The following AMPD1 variants were observed in gnomAD, a reference collection of about 807,000 sequenced individuals.
The protein encoded by AMPD1 is AMP deaminase 1.
AMPD1 carries 74 observed loss-of-function variants against 82.9 expected under a neutral mutation model. The observed-to-expected ratio is 0.89, with a 90% CI of 0.74 to 1.08. AMPD1 has a LOEUF of 1.08. Among genes scored for constraint, AMPD1 ranks in the 50% least tolerant of loss-of-function variants. The pLI, the probability that AMPD1 is intolerant of heterozygous loss-of-function variation, is 0.00. For synonymous variants in AMPD1, 333 were observed against 320.5 expected (o/e 1.04, Z -0.42); for missense variants, 881 against 924.5 (o/e 0.95, Z 0.61).
rs534556459 is a variant in AMPD1, at chr1:114,674,821, T to C, written c.1731A>G (p.Gly577=). 2 of 1,613,940 alleles carry C rather than the reference T, an allele frequency of 1.2e-6. No homozygotes were observed. The highest frequency in any genetic ancestry group is 1.3e-5 in the African/African-American group (1 of 75,032). ...FLFRPHCGEA[G]ALTHLMTAFM... ...ATGCTGTCATGAGATGGGTGAGGGC[T>C]CCAGCTTCTCCACAGTGAGGTCGGA... The change falls in exon 13 of 16, where the codon GGA becomes GGG. Residue 577 remains glycine, a synonymous_variant. Coordinates refer to ENST00000520113, the MANE Select transcript of AMPD1 (RefSeq NM_000036.3).
At chr1:114,679,769 A>C in intron 6 of AMPD1, 61 bp from the exon 7 acceptor site, 1 of 1,579,624 alleles carries the variant, frequency 6.3e-7, no homozygotes. Context: ...AAACAGTCAC[A>C]ATTTCAAAAC....
At chr1:114,675,764 A>G (rs1657963208) in intron 11 of AMPD1, 71 bp from the exon 12 acceptor site, 8 of 1,613,138 alleles carry the variant, frequency 5.0e-6, no homozygotes, top group Non-Finnish European at 6.8e-6. Flanking sequence ...ACAAACTTTC[A>G]GGTCCAAAGG....
chr1:114,681,676 C>T (rs1658162835), intron 5 of AMPD1, among the ~76,000 whole-genome samples: 1 of 151,900 alleles, frequency 6.6e-6, no homozygotes, highest in Non-Finnish European at 1.5e-5. Context: ...AGCCAGTCTC[C>T]ACTCTAGACA....
intron 2 of AMPD1, among the ~76,000 whole-genome samples, chr1:114,690,699 T>A (rs373375282): frequency 1.3e-5 from 2 of 152,146 alleles, no homozygotes; most frequent in South Asian, 2.1e-4. Context: ...GATGGCCTGA[T>A]AATGCCTCCA....
At chr1:114,683,538 C>T (rs904024266) in intron 5 of AMPD1, among the ~76,000 whole-genome samples, 1 of 152,164 alleles carries the variant, frequency 6.6e-6, no homozygotes, top group Admixed American at 6.5e-5. Flanking sequence ...GAGTTCAAGA[C>T]CAGCCTGGCC....
chr1:114,677,814 C>CTTCT (rs1239882791), intron 9 of AMPD1, 96 bp downstream of exon 9: 7 of 967,768 alleles, frequency 7.2e-6, no homozygotes, highest in African/African-American at 1.7e-5. Context: ...TCCTTCCTTC[C>CTTCT]TTCCTTCCTT....
intron 2 of AMPD1, among the ~76,000 whole-genome samples, chr1:114,690,277 G>C (rs1459982445): frequency 2.6e-5 from 4 of 152,186 alleles, no homozygotes; most frequent in African/African-American, 9.7e-5. Flanking sequence ...GTGACACTAA[G>C]TGAGATAATG....
chr1:114,690,775 T>C (rs995929316), intron 2 of AMPD1, among the ~76,000 whole-genome samples: 8 of 152,152 alleles, frequency 5.3e-5, no homozygotes, highest in African/African-American at 1.9e-4. Context: ...AGCAAGCACA[T>C]GCATCTCAAG....
chr1:114,682,646 T>C (rs926986497), intron 5 of AMPD1, among the ~76,000 whole-genome samples: 5 of 151,690 alleles, frequency 3.3e-5, no homozygotes, highest in Non-Finnish European at 5.9e-5. Flanking sequence ...TGGCGCGATC[T>C]CAGCTCACTG....
intron 1 of AMPD1, among the ~76,000 whole-genome samples, chr1:114,694,947 T>G (rs929693141): frequency 1.3e-5 from 2 of 152,268 alleles, no homozygotes; most frequent in African/African-American, 2.4e-5. Flanking sequence ...ACAATTTCTA[T>G]TTCACATGAA....
intron 5 of AMPD1, among the ~76,000 whole-genome samples, chr1:114,683,759 A>G (rs963797533): frequency 2.0e-5 from 3 of 152,138 alleles, no homozygotes; most frequent in Non-Finnish European, 4.4e-5. Flanking sequence ...AAATGTAGTT[A>G]GGGGGCCAGA....
At chr1:114,690,411 G>A (rs895617540) in intron 2 of AMPD1, among the ~76,000 whole-genome samples, 3 of 152,154 alleles carry the variant, frequency 2.0e-5, no homozygotes, top group Admixed American at 6.6e-5. Context: ...GATAATACAT[G>A]ATATGACTTA....
Position 114,679,599 on chromosome 1 carries a change from C to G in AMPD1, c.877G>C (p.Asp293His), listed in dbSNP as rs142477997. The change falls in exon 7 of 16, where the codon GAT becomes CAT. Residue 293 changes from aspartate to histidine, a missense_variant. Transcript: ENST00000520113. The stretch of plus-strand genomic sequence containing the variant: ...TTTACCTTCCTGCAGTTATAAAAAT[C>G]TCGGTGGGGGTTGTTTTTCAGCTCC... Reference protein sequence around the residue: ...LKELKNNPHRDFYNCRKVDTH... With the variant: ...LKELKNNPHRHFYNCRKVDTH... 3.1e-6 allele frequency: 5 copies of G among 1,613,958 alleles called. No homozygotes were observed. In the African/African-American group the frequency reaches 6.7e-5, roughly 22 times the overall value.
At chr1:114,694,112 G>A (rs1422145478) in intron 1 of AMPD1, among the ~76,000 whole-genome samples, 1 of 152,036 alleles carries the variant, frequency 6.6e-6, no homozygotes, top group Non-Finnish European at 1.5e-5. Flanking sequence ...CCAACTACTC[G>A]GGAGACTGAG....
At chr1:114,687,059 A>T in intron 3 of AMPD1, 149 bp from the exon 4 acceptor site, 1 of 809,596 alleles carries the variant, frequency 1.2e-6, no homozygotes, top group Non-Finnish European at 2.0e-6. Context: ...ATCCAAGCAT[A>T]GTGGGAGGAG....
At chr1:114,694,416 C>T (rs1035333967) in intron 1 of AMPD1, among the ~76,000 whole-genome samples, 11 of 151,734 alleles carry the variant, frequency 7.2e-5, no homozygotes, top group Non-Finnish European at 1.5e-4. Flanking sequence ...TATAAAATTA[C>T]ATGTGCAATA....
At chr1:114,681,824 C>G (rs1386193983) in intron 5 of AMPD1, among the ~76,000 whole-genome samples, 1 of 152,088 alleles carries the variant, frequency 6.6e-6, no homozygotes, top group African/African-American at 2.4e-5. Context: ...TGTATCCACC[C>G]TTATAGTATC....
chr1:114,675,391 TAAGAG>T lies in AMPD1; in HGVS notation c.1679+134_1679+138del, dbSNP rs572719155. ...AAATAAATAAACTGAAGAAAAAAGT[TAAGAG>T]AAAGAAATTTCTGATTTGGGCCAAT... is the stretch of plus-strand genomic sequence containing the variant. On this transcript the variant is annotated intron_variant, in intron 12 of 15. Transcript: ENST00000520113. The T allele has an allele frequency of 2.4e-4, 224 of 929,168 alleles. No individual in the cohort carries two copies. In the African/African-American group the frequency reaches 3.2e-3, roughly 13 times the overall value. The allele number at this position is 929,168 out of a possible 1,614,324, so 57.6% of individuals were successfully genotyped here.
chr1:114,689,763 G>T (rs1658461053), intron 2 of AMPD1, among the ~76,000 whole-genome samples: 1 of 152,176 alleles, frequency 6.6e-6, no homozygotes, highest in Non-Finnish European at 1.5e-5. Flanking sequence ...GTTGCAGTGA[G>T]TTGAGACTGC....
Sources: allele counts gnomAD v4.1 joint callset (sites outside exome capture counted in the v4.1 genomes callset), GRCh38; gene constraint gnomAD v4.1.1; transcripts MANE v1.5; gene names NCBI Gene and HGNC (gene_info 2026-07-23, HGNC 2026-07-21).